FHIT: variants seen among roughly 807,000 people sequenced by gnomAD.
FHIT encodes the protein fragile histidine triad diadenosine triphosphatase.
Under a neutral mutation model 17.9 loss-of-function variants are expected in FHIT, and 19 were observed. That is an observed-to-expected ratio of 1.06 (90% CI 0.74 to 1.56). The LOEUF is 1.56. Ranked by LOEUF, FHIT falls within the 40% of genes most tolerant of loss-of-function variation. FHIT has a pLI of 0.00. For synonymous variants in FHIT, 81 were observed against 69.7 expected, an observed-to-expected ratio of 1.16 and a Z score of -0.81; for missense variants, 248 against 189.2, an observed-to-expected ratio of 1.31 and a Z score of -1.82.
At chr3:60,763,285 G>T (rs1444115528) in intron 4 of FHIT, among the ~76,000 whole-genome samples, 1 of 152,176 alleles carries the variant, frequency 6.6e-6, no homozygotes, top group Non-Finnish European at 1.5e-5. Context: ...AGTCTGTTAT[G>T]ATTGTATTCA....
At chr3:60,732,113 T>C in intron 4 of FHIT, 1 of 687,010 alleles carries the variant, frequency 1.5e-6, no homozygotes, top group South Asian at 1.6e-5. Context: ...GAAGGAATGG[T>C]CTGGTGGTTA....
At chr3:60,353,761 A>G (rs1045002986) in intron 5 of FHIT, among the ~76,000 whole-genome samples, 2 of 152,118 alleles carry the variant, frequency 1.3e-5, no homozygotes, top group African/African-American at 4.8e-5. Context: ...ACAAATCTGT[A>G]AAAAAGTCAA....
At chr3:60,282,681 G>T (rs1001939868) in intron 5 of FHIT, among the ~76,000 whole-genome samples, 2 of 152,016 alleles carry the variant, frequency 1.3e-5, no homozygotes, top group African/African-American at 4.8e-5. Flanking sequence ...GGGGATGGGG[G>T]AATAGTGGCG....
chr3:60,197,297 T>C (rs1161223337), intron 5 of FHIT, among the ~76,000 whole-genome samples: 4 of 152,054 alleles, frequency 2.6e-5, no homozygotes, highest in East Asian at 1.9e-4. Flanking sequence ...CAAGATTTCA[T>C]AGCATTAAAA....
intron 8 of FHIT, among the ~76,000 whole-genome samples, chr3:59,908,850 T>TTTTTTTTTTTTTTTTG (rs1553712872): frequency 6.7e-6 from 1 of 150,092 alleles, no homozygotes. Context: ...TTTCATTTTT[T>TTTTTTTTTTTTTTTTG]AATAGTCCAA....
intron 4 of FHIT, among the ~76,000 whole-genome samples, chr3:60,684,792 A>T (rs1309178059): frequency 2.0e-5 from 3 of 152,126 alleles, no homozygotes; most frequent in Admixed American, 6.6e-5. Context: ...AGTTTCTCAA[A>T]AGTGCTCAAG....
rs145018949 is a variant in FHIT at position 61,102,254 on chromosome 3, T to C, written c.-163-60155A>G. Among the ~76,000 whole-genome samples the C allele has an allele frequency of 6.3e-3, 963 of 152,338 alleles. 10 individuals carry two copies. The highest frequency in any genetic ancestry group is 0.022 in the African/African-American group (926 of 41,578). On this transcript the variant is annotated intron_variant, in intron 2 of 9. Transcript: ENST00000492590. ...ATTAATACCTAGTTTATTCAGAGTT[T>C]TTAGCATGAAGGGCTGTTGAATTTT...
Position 60,382,786 on chromosome 3 carries a change from G to T in FHIT, c.103+154074C>A, listed in dbSNP as rs181786735. On this transcript the variant is annotated intron_variant, in intron 5 of 9. Coordinates refer to ENST00000492590, the MANE Select transcript of FHIT (RefSeq NM_002012.4). ...AACTGTATACAACATATCAAATGCA[G>T]CATCTGGTCTAGTCTGAATTTCTAA... Among the ~76,000 whole-genome samples the T allele has an allele frequency of 9.4e-4, 143 of 152,244 alleles. 1 individual carries two copies. Among genetic ancestry groups the T allele is most frequent in the African/African-American group, 3.2e-3 (131 of 41,540 alleles).
chr3:59,801,525 A>G (rs927798507), intron 8 of FHIT, among the ~76,000 whole-genome samples: 6 of 151,840 alleles, frequency 4.0e-5, no homozygotes, highest in Non-Finnish European at 5.9e-5. Context: ...ATAAGTGAAA[A>G]TATAGACTTT....
chr3:59,972,931 T>C (rs1708253339), intron 7 of FHIT, among the ~76,000 whole-genome samples: 1 of 152,068 alleles, frequency 6.6e-6, no homozygotes, highest in Admixed American at 6.6e-5. Context: ...TTCCGTATTT[T>C]TGCTCCTGAC....
intron 4 of FHIT, among the ~76,000 whole-genome samples, chr3:60,641,665 TC>T (rs1332917018): frequency 5.9e-5 from 9 of 152,098 alleles, no homozygotes; most frequent in Non-Finnish European, 1.2e-4. Context: ...GCTTGTATAA[TC>T]CTGGGAATTT....
At chr3:60,429,206 G>C (rs1022623652) in intron 5 of FHIT, among the ~76,000 whole-genome samples, 9 of 151,906 alleles carry the variant, frequency 5.9e-5, no homozygotes, top group Admixed American at 3.3e-4. Flanking sequence ...AATAAACCAG[G>C]AGGCATCAGT....
chr3:60,573,676 G>A (rs943336063), intron 4 of FHIT, among the ~76,000 whole-genome samples: 2 of 152,148 alleles, frequency 1.3e-5, no homozygotes, highest in Admixed American at 6.6e-5. Context: ...AGCTGCCTCC[G>A]TTCAAGGCTG....
intron 3 of FHIT, among the ~76,000 whole-genome samples, chr3:60,957,233 CT>C (rs35221092): frequency 0.26 from 25,645 of 97,184 alleles, 1,512 homozygotes; most frequent in Middle Eastern, 0.4. Flanking sequence ...TTCTTTCTTT[CT>C]TTTTTTTTTT....
At chr3:60,088,841 T>C (rs966101876) in intron 5 of FHIT, among the ~76,000 whole-genome samples, 4 of 152,228 alleles carry the variant, frequency 2.6e-5, no homozygotes, top group Non-Finnish European at 5.9e-5. Flanking sequence ...TTTGCTTTTT[T>C]ATGCCCAGAA....
At chr3:60,187,905 A>AC (rs1702227116) in intron 5 of FHIT, among the ~76,000 whole-genome samples, 1 of 152,090 alleles carries the variant, frequency 6.6e-6, no homozygotes, top group East Asian at 1.9e-4. Context: ...TTACAATTCT[A>AC]CCTATTTATG....
chr3:60,628,642 TTC>T (rs1289066411), intron 4 of FHIT, among the ~76,000 whole-genome samples: 5 of 152,206 alleles, frequency 3.3e-5, no homozygotes, highest in African/African-American at 1.2e-4. Flanking sequence ...CTTTCTTTGA[TTC>T]TCTCTGATCA....
intron 2 of FHIT, among the ~76,000 whole-genome samples, chr3:61,068,733 G>A (rs1045260577): frequency 6.6e-6 from 1 of 152,068 alleles, no homozygotes; most frequent in Non-Finnish European, 1.5e-5. Context: ...CACACTTTGA[G>A]AACCACCAAT....
rs546634201 is a variant in FHIT, at chr3:60,091,591, C to T, written c.104-77439G>A. Among the ~76,000 whole-genome samples the T allele has an allele frequency of 4.9e-4, 74 of 152,224 alleles. 1 individual carries two copies. The South Asian group carries it at 0.01, about 21-fold the overall frequency. On this transcript the variant is annotated intron_variant, in intron 5 of 9. Transcript: ENST00000492590. ...AATCTGTGTCCCTGCCCAAATTTCA[C>T]GTGGGATTGTAATCCTTAATGTTGG...
Sources: allele counts gnomAD v4.1 joint callset (sites outside exome capture counted in the v4.1 genomes callset), GRCh38; gene constraint gnomAD v4.1.1; transcripts MANE v1.5; gene names NCBI Gene and HGNC (gene_info 2026-07-23, HGNC 2026-07-21).